The following CAP2 variants were observed in gnomAD, a reference collection of about 807,000 sequenced individuals.
The protein encoded by CAP2 is adenylyl cyclase-associated protein 2.
A neutral mutation model predicts 57.7 loss-of-function variants in CAP2; 24 were observed. That is an observed-to-expected ratio of 0.42 (90% CI 0.30 to 0.58). CAP2 has a LOEUF of 0.58. Among genes scored for constraint, CAP2 ranks in the 20% least tolerant of loss-of-function variants. The probability of loss-of-function intolerance (pLI) is 0.22; values close to 1 mark genes in which losing one functional copy is unlikely to be tolerated. For missense variants in CAP2, 501 were observed against 590.3 expected, an observed-to-expected ratio of 0.85 and a Z score of 1.57; for synonymous variants, 194 against 207.2, an observed-to-expected ratio of 0.94 and a Z score of 0.55.
intron 4 of CAP2, among the ~76,000 whole-genome samples, chr6:17,470,675 C>T (rs1320578342): frequency 6.6e-6 from 1 of 152,204 alleles, no homozygotes; most frequent in Non-Finnish European, 1.5e-5. Flanking sequence ...GTCTTCTGGT[C>T]ATTCCTAGCT....
At chr6:17,509,994 A>G (rs1762104572) in intron 6 of CAP2, among the ~76,000 whole-genome samples, 1 of 152,174 alleles carries the variant, frequency 6.6e-6, no homozygotes, top group African/African-American at 2.4e-5. Flanking sequence ...AAGACTACAT[A>G]TTGTATGATT....
In CAP2 at chr6:17,432,524, T is replaced by A. The variant is rs556575822; in HGVS notation, c.222+5834T>A. On this transcript the variant is annotated intron_variant, in intron 3 of 12. Transcript: ENST00000229922. ...TCTTGGCAATTGCAAGCCCGAAGAA[T>A]CTGTATGTCTTTCAGTTTCACCAAA... 2.7e-4 allele frequency among the ~76,000 whole-genome samples: 41 copies of A among 152,338 alleles called. 1 individual carries two copies. In the South Asian group the frequency reaches 7.9e-3, roughly 29 times the overall value.
At chr6:17,500,447 C>T (rs548463017) in intron 4 of CAP2, among the ~76,000 whole-genome samples, 4 of 143,276 alleles carry the variant, frequency 2.8e-5, no homozygotes, top group Admixed American at 7.1e-5. Flanking sequence ...CGGCTTACTG[C>T]AAGCTCCGCC....
At chr6:17,434,444 G>C (rs1265728968) in intron 3 of CAP2, among the ~76,000 whole-genome samples, 1 of 152,046 alleles carries the variant, frequency 6.6e-6, no homozygotes, top group Non-Finnish European at 1.5e-5. Context: ...GGCCAGGCTG[G>C]TCTCGAATTC....
chr6:17,448,918 C>T (rs771300918), intron 3 of CAP2, among the ~76,000 whole-genome samples: 14 of 152,198 alleles, frequency 9.2e-5, no homozygotes, highest in Non-Finnish European at 7.4e-5. Context: ...CCCACCACCA[C>T]GCCAGGCTAA....
intron 7 of CAP2, among the ~76,000 whole-genome samples, chr6:17,518,621 A>G (rs1373333485): frequency 1.3e-5 from 2 of 151,934 alleles, no homozygotes; most frequent in East Asian, 2.0e-4. Context: ...CAGTATTCAG[A>G]GATTTTTTTT....
In CAP2 at chr6:17,513,753, C is replaced by T. The variant is rs1762208837; in HGVS notation, c.531-96C>T. ...AGGACGATTGCTCCGGGCTCCAGGGCCCCTAGTCACTAGATAACCATGTGC... is the reference window on the plus strand; with the variant it reads ...AGGACGATTGCTCCGGGCTCCAGGGTCCCTAGTCACTAGATAACCATGTGC... On this transcript the variant is annotated intron_variant, in intron 6 of 12. Transcript: ENST00000229922. This position sits in a 1 kb window ranked among gnomAD's most constrained non-coding sequence, Gnocchi z 4.3. 1.3e-6 allele frequency: 1 copy of T among 780,594 alleles called. No individual in the cohort carries two copies. The highest frequency in any genetic ancestry group is 2.0e-5 in the Admixed American group (1 of 49,752). The allele number at this position is 780,594 out of a possible 1,614,324, so 48.4% of individuals were successfully genotyped here. A position where few individuals can be genotyped will look rare whatever the true frequency, so the allele number is the denominator to read the frequency against.
rs747422816 is a variant in CAP2 at position 17,543,016 on chromosome 6, G to A, written c.1127-45G>A. On this transcript the variant is annotated intron_variant, in intron 10 of 12. Coordinates refer to ENST00000229922, the MANE Select transcript of CAP2 (RefSeq NM_006366.3). ...ATGATGTTTTATAAACAAGCTGTAT[G>A]TATTTAGTGGAGTTGGTTTTTTGTT... 2.5e-6 allele frequency: 4 copies of A among 1,611,646 alleles called. No individual in the cohort carries two copies. In the African/African-American group the frequency reaches 5.3e-5, roughly 22 times the overall value.
intron 1 of CAP2, among the ~76,000 whole-genome samples, chr6:17,413,109 A>G (rs1345176516): frequency 6.6e-6 from 1 of 152,068 alleles, no homozygotes. Context: ...GATCTTTCTG[A>G]AGGTCAAGCT....
intron 11 of CAP2, among the ~76,000 whole-genome samples, chr6:17,547,450 A>T (rs1475092601): frequency 6.6e-6 from 1 of 152,180 alleles, no homozygotes; most frequent in African/African-American, 2.4e-5. Context: ...TTCTGCAGCA[A>T]TGAAGACGCA....
At chr6:17,553,671 C>A (rs1206257806) in intron 12 of CAP2, among the ~76,000 whole-genome samples, 1 of 151,072 alleles carries the variant, frequency 6.6e-6, no homozygotes, top group East Asian at 2.0e-4. Context: ...TCTTACAGGT[C>A]AATTACCTTG....
chr6:17,419,612 G>A (rs1028174567), intron 1 of CAP2, among the ~76,000 whole-genome samples: 9 of 152,030 alleles, frequency 5.9e-5, no homozygotes, highest in Admixed American at 3.3e-4. Context: ...TATAATTTTA[G>A]TCGGTACTTA....
intron 3 of CAP2, among the ~76,000 whole-genome samples, chr6:17,438,835 G>A (rs560597880): frequency 6.7e-5 from 10 of 149,148 alleles, no homozygotes; most frequent in South Asian, 6.4e-4. Flanking sequence ...TTTTTCTGCC[G>A]GGCGCGGTGG....
chr6:17,415,253 A>T (rs902053762), intron 1 of CAP2, among the ~76,000 whole-genome samples: 3 of 152,224 alleles, frequency 2.0e-5, no homozygotes, highest in Admixed American at 6.5e-5. Context: ...AATGTTATCC[A>T]AGTAGCATTA....
Position 17,531,752 on chromosome 6 carries a change from A to G in CAP2, c.637-7517A>G, listed in dbSNP as rs543192411. The G allele has an allele frequency of 2.6e-4, 154 of 592,614 alleles. 1 individual carries two copies. The South Asian group carries it at 2.9e-3, about 11-fold the overall frequency. The allele number at this position is 592,614 out of a possible 1,614,324, so 36.7% of individuals were successfully genotyped here. On this transcript the variant is annotated intron_variant, in intron 7 of 12. Transcript: ENST00000229922. ...AATGTCGTCTATATACATTCCCCCCATGCTTAAAGCCCTTCAGCTTCTCCT... is the reference window on the plus strand; with the variant it reads ...AATGTCGTCTATATACATTCCCCCCGTGCTTAAAGCCCTTCAGCTTCTCCT...
At chr6:17,481,653 C>T (rs1253308825) in intron 4 of CAP2, among the ~76,000 whole-genome samples, 2 of 152,058 alleles carry the variant, frequency 1.3e-5, no homozygotes, top group Admixed American at 1.3e-4. Flanking sequence ...GTTTTGTTTC[C>T]TACAGTGGCA....
At chr6:17,538,285 CAA>C (rs796567154) in intron 7 of CAP2, among the ~76,000 whole-genome samples, 3 of 135,798 alleles carry the variant, frequency 2.2e-5, no homozygotes, top group African/African-American at 2.7e-5. Context: ...CCTCATCTCT[CAA>C]AAAAAAAAAA....
chr6:17,542,901 T>C lies in CAP2; in HGVS notation c.1067T>C (p.Ile356Thr). The C allele has an allele frequency of 6.2e-7, 1 of 1,613,618 alleles. No homozygotes were observed. ...SETELKQVAY[I>T]FKCEKSTIQI... The stretch of plus-strand genomic sequence containing the variant: ...ACTGAGCTGAAACAAGTGGCTTACA[T>C]TTTCAAATGCGAAAAATCAACTATT... Residue 356 changes from isoleucine (I) to threonine (T), a missense_variant, in exon 10 of 13, where the codon ATT (isoleucine) becomes ACT (threonine). Physicochemically the swap from Ile to Thr is moderately conservative, Grantham distance 89. Transcript: ENST00000229922.
intron 3 of CAP2, among the ~76,000 whole-genome samples, chr6:17,457,780 A>G (rs1253640855): frequency 6.6e-6 from 1 of 152,202 alleles, no homozygotes; most frequent in Non-Finnish European, 1.5e-5. Context: ...AAATTGCTCT[A>G]TTAGCAACAG....
Sources: allele counts gnomAD v4.1 joint callset (sites outside exome capture counted in the v4.1 genomes callset), GRCh38; gene constraint gnomAD v4.1.1; non-coding constraint Gnocchi (gnomAD v3.1); transcripts MANE v1.5; gene names NCBI Gene and HGNC (gene_info 2026-07-23, HGNC 2026-07-21).